Variants in DGKI observed in about 807,000 individuals in gnomAD.
DGKI encodes the protein DAG kinase iota.
DGKI carries 55 observed loss-of-function variants against 147.5 expected under a neutral mutation model. The ratio of observed to expected loss-of-function variants is 0.37; its 90% CI spans 0.30 to 0.47. The LOEUF (loss-of-function observed/expected upper bound fraction) is 0.47, where lower values mean the gene tolerates loss of function less well. Ranked by LOEUF, DGKI falls within the 20% of genes least tolerant of loss-of-function variation. DGKI has a pLI of 1.00. For missense variants in DGKI, 1,007 were observed against 1,323.8 expected, an observed-to-expected ratio of 0.76 and a Z score of 3.71; for synonymous variants, 469 against 477.1, an observed-to-expected ratio of 0.98 and a Z score of 0.22.
intron 6 of DGKI, among the ~76,000 whole-genome samples, chr7:137,642,929 A>ATGT (rs10523886): frequency 2.5e-5 from 3 of 121,172 alleles, no homozygotes; most frequent in Admixed American, 1.7e-4. Flanking sequence ...ATTATGGAAT[A>ATGT]GTGTGTGTGT....
chr7:137,810,993 A>C (rs1186182685), intron 1 of DGKI, among the ~76,000 whole-genome samples: 1 of 152,208 alleles, frequency 6.6e-6, no homozygotes, highest in Non-Finnish European at 1.5e-5. Context: ...TGTAGAATGG[A>C]AATAATCCCA....
chr7:137,426,233 G>A (rs1388705556), intron 28 of DGKI, among the ~76,000 whole-genome samples: 1 of 152,142 alleles, frequency 6.6e-6, no homozygotes, highest in Non-Finnish European at 1.5e-5. Flanking sequence ...GAAGAGAGTG[G>A]GGGCCGATAT....
At chr7:137,809,875 G>C (rs964413539) in intron 1 of DGKI, among the ~76,000 whole-genome samples, 1 of 151,734 alleles carries the variant, frequency 6.6e-6, no homozygotes, top group African/African-American at 2.4e-5. Context: ...CTGCACTCTA[G>C]CCTGAGCAAC....
intron 28 of DGKI, among the ~76,000 whole-genome samples, chr7:137,420,542 T>C (rs1812525227): frequency 6.6e-6 from 1 of 152,102 alleles, no homozygotes; most frequent in South Asian, 2.1e-4. Context: ...TACAATGTCA[T>C]CTGGTTTATG....
At chr7:137,716,231 C>T (rs1391358617) in intron 1 of DGKI, among the ~76,000 whole-genome samples, 2 of 152,230 alleles carry the variant, frequency 1.3e-5, no homozygotes, top group African/African-American at 4.8e-5. Context: ...ATTCTTACAA[C>T]TGTCTTATTG....
chr7:137,762,746 T>C (rs952369411), intron 1 of DGKI, among the ~76,000 whole-genome samples: 5 of 152,222 alleles, frequency 3.3e-5, no homozygotes, highest in African/African-American at 4.8e-5. Flanking sequence ...TCTGGTTCAT[T>C]GTGTGCTCCT....
intron 28 of DGKI, among the ~76,000 whole-genome samples, chr7:137,437,898 A>C (rs531125284): frequency 3.4e-4 from 52 of 152,192 alleles, no homozygotes; most frequent in Non-Finnish European, 7.1e-4. Context: ...TATGAACAGA[A>C]TCAAAATTAA....
At chr7:137,431,248 C>CTT (rs5887839) in intron 28 of DGKI, among the ~76,000 whole-genome samples, 1 of 146,042 alleles carries the variant, frequency 6.8e-6, no homozygotes, top group Non-Finnish European at 1.5e-5. Flanking sequence ...TATAAAATAC[C>CTT]TTTTTTTTTT....
At chr7:137,410,853 C>T (rs116013605) in intron 29 of DGKI, among the ~76,000 whole-genome samples, 2,473 of 152,274 alleles carry the variant, frequency 0.016, 66 homozygotes, top group African/African-American at 0.056. Flanking sequence ...TGGTAAGAAA[C>T]GGCACTGAAC....
intron 14 of DGKI, among the ~76,000 whole-genome samples, chr7:137,584,463 G>A (rs577087313): frequency 1.2e-4 from 19 of 152,196 alleles, no homozygotes; most frequent in African/African-American, 4.1e-4. Flanking sequence ...TTTGCTTTTC[G>A]GTTGAAATAA....
chr7:137,559,448 A>G (rs961735101), intron 19 of DGKI, among the ~76,000 whole-genome samples: 1 of 152,028 alleles, frequency 6.6e-6, no homozygotes, highest in South Asian at 2.1e-4. Context: ...CCTTGACTAT[A>G]TAAGTGATGT....
chr7:137,775,807 A>G (rs943692163), intron 1 of DGKI, among the ~76,000 whole-genome samples: 1 of 152,224 alleles, frequency 6.6e-6, no homozygotes, highest in Non-Finnish European at 1.5e-5. Flanking sequence ...ATTAGATACA[A>G]TAAAGTAGAT....
intron 19 of DGKI, among the ~76,000 whole-genome samples, chr7:137,561,318 G>T (rs982201881): frequency 1.3e-5 from 2 of 152,166 alleles, no homozygotes; most frequent in African/African-American, 4.8e-5. Context: ...GATAGGAAGA[G>T]AACGTTAACC....
At chr7:137,740,380 C>G (rs1795142185) in intron 1 of DGKI, among the ~76,000 whole-genome samples, 1 of 152,138 alleles carries the variant, frequency 6.6e-6, no homozygotes, top group Non-Finnish European at 1.5e-5. Context: ...GGGAGGACCC[C>G]TGAGGTCAGA....
At chr7:137,472,390 TATTA>T (rs1563040455) in intron 23 of DGKI, among the ~76,000 whole-genome samples, 2 of 10,046 alleles carry the variant, frequency 2.0e-4, no homozygotes, top group Non-Finnish European at 3.9e-4. Context: ...TATATATACA[TATTA>T]TAATTATTAT....
intron 1 of DGKI, among the ~76,000 whole-genome samples, chr7:137,811,489 A>T (rs1342068901): frequency 2.0e-5 from 3 of 152,080 alleles, no homozygotes; most frequent in African/African-American, 7.2e-5. Context: ...CAACAAACAC[A>T]AAATACTCCA....
chr7:137,439,543 C>G (rs1813413322), intron 28 of DGKI, among the ~76,000 whole-genome samples: 1 of 152,192 alleles, frequency 6.6e-6, no homozygotes, highest in South Asian at 2.1e-4. Context: ...ATGGGGGAAA[C>G]TGCTCCATGA....
intron 1 of DGKI, among the ~76,000 whole-genome samples, chr7:137,834,742 A>G (rs1411149508): frequency 3.9e-5 from 6 of 152,268 alleles, no homozygotes; most frequent in Non-Finnish European, 8.8e-5. Flanking sequence ...ATAGATACAC[A>G]TAAGTTTCAC....
Position 137,383,739 on chromosome 7 carries a change from C to T in DGKI, c.*7481G>A, listed in dbSNP as rs1401555918. On this transcript the variant is annotated 3_prime_UTR_variant, in exon 33 of 33. Transcript: ENST00000614521. ...AAAGCTAACTCCTTTTCATGTGTTA[C>T]TGCTCTTTTCTTTCCTTATTTTATT... 2 of 151,938 alleles carry T rather than the reference C, an allele frequency of 1.3e-5. No individual in the cohort carries two copies. Among genetic ancestry groups the T allele is most frequent in the Non-Finnish European group, 2.9e-5 (2 of 67,912 alleles). 9.4% of individuals were successfully genotyped at this position (151,938 alleles called of 1,614,324 possible).
Sources: gnomAD v4.1 joint callset for allele counts (sites outside exome capture counted in the v4.1 genomes callset) on GRCh38, gnomAD v4.1.1 for gene constraint, MANE v1.5 for transcripts, NCBI Gene and HGNC (gene_info 2026-07-23, HGNC 2026-07-21) for gene names.